The following MARCHF1 variants were observed in gnomAD, a reference collection of about 807,000 sequenced individuals.
MARCHF1 encodes the protein membrane associated ring-CH-type finger 1, also known as E3 ubiquitin-protein ligase MARCHF1.
A neutral mutation model predicts 54.2 loss-of-function variants in MARCHF1; 40 were observed. The observed-to-expected ratio is 0.74, with a 90% CI of 0.57 to 0.96. The LOEUF (loss-of-function observed/expected upper bound fraction) is 0.96, where lower values mean the gene tolerates loss of function less well. Ranked by LOEUF, MARCHF1 falls within the 40% of genes least tolerant of loss-of-function variation. The pLI is 0.00. For missense variants in MARCHF1, 586 were observed against 656.5 expected, an observed-to-expected ratio of 0.89 and a Z score of 1.17; for synonymous variants, 236 against 236.3, an observed-to-expected ratio of 1.00 and a Z score of 0.01.
At chr4:163,697,200 C>T (rs1744662968) in intron 5 of MARCHF1, among the ~76,000 whole-genome samples, 1 of 152,204 alleles carries the variant, frequency 6.6e-6, no homozygotes, top group South Asian at 2.1e-4. Context: ...TTACTGGGGG[C>T]TGAGGGTGTA....
chr4:163,971,457 T>C (rs571911674), intron 3 of MARCHF1, among the ~76,000 whole-genome samples: 1 of 152,342 alleles, frequency 6.6e-6, no homozygotes, highest in Admixed American at 6.5e-5. Flanking sequence ...TGTAGTGTTT[T>C]AGAGTGGACT....
intron 1 of MARCHF1, among the ~76,000 whole-genome samples, chr4:164,245,518 C>G (rs1438177765): frequency 2.0e-5 from 3 of 151,832 alleles, no homozygotes; most frequent in Non-Finnish European, 4.4e-5. Flanking sequence ...AAACTGGAAG[C>G]ATTCCCTTTG....
At chr4:164,267,482 G>T (rs527980937) in intron 1 of MARCHF1, among the ~76,000 whole-genome samples, 1 of 152,264 alleles carries the variant, frequency 6.6e-6, no homozygotes, top group East Asian at 1.9e-4. Context: ...CCTGTTACAA[G>T]AAATTGATGA....
chr4:163,762,696 T>A (rs1458073497), intron 4 of MARCHF1, among the ~76,000 whole-genome samples: 1 of 152,108 alleles, frequency 6.6e-6, no homozygotes, highest in Non-Finnish European at 1.5e-5. Flanking sequence ...TAATCAAAAA[T>A]TTACATAATG....
intron 1 of MARCHF1, among the ~76,000 whole-genome samples, chr4:164,247,589 C>T (rs59462048): frequency 0.042 from 5,681 of 135,280 alleles, 266 homozygotes; most frequent in African/African-American, 0.12. Flanking sequence ...CACATGTACC[C>T]TAAAACTTAA....
intron 3 of MARCHF1, among the ~76,000 whole-genome samples, chr4:163,951,926 C>T (rs964798034): frequency 6.6e-6 from 1 of 152,150 alleles, no homozygotes; most frequent in African/African-American, 2.4e-5. Context: ...TTATAGAGGT[C>T]AACATTTTTA....
At chr4:164,170,341 G>C (rs55773908) in intron 1 of MARCHF1, among the ~76,000 whole-genome samples, 28,745 of 151,856 alleles carry the variant, frequency 0.19, 4,365 homozygotes, top group African/African-American at 0.41. Context: ...AATATCTTTA[G>C]AGTTTGTGAT....
intron 1 of MARCHF1, among the ~76,000 whole-genome samples, chr4:164,306,634 T>C (rs994999369): frequency 6.6e-6 from 1 of 152,146 alleles, no homozygotes; most frequent in African/African-American, 2.4e-5. Flanking sequence ...ATGCGAGATA[T>C]TCCTTCTAAA....
chr4:164,092,599 C>A (rs1245931973), intron 2 of MARCHF1, among the ~76,000 whole-genome samples: 1 of 152,128 alleles, frequency 6.6e-6, no homozygotes, highest in Non-Finnish European at 1.5e-5. Context: ...GGACCAATAA[C>A]CAACTTACAG....
chr4:164,245,456 A>G (rs1579655752), intron 1 of MARCHF1, among the ~76,000 whole-genome samples: 1 of 152,150 alleles, frequency 6.6e-6, no homozygotes, highest in East Asian at 1.9e-4. Context: ...ATCTCAAAAT[A>G]ATAAGAGCTA....
rs1177115654 is a variant in MARCHF1, at chr4:163,883,258, TG to T, written c.-38-29090del. 4.7e-3 allele frequency among the ~76,000 whole-genome samples: 681 copies of T among 145,538 alleles called. 8 individuals are homozygous for T. Among genetic ancestry groups the T allele is most frequent in the African/African-American group, 0.016 (642 of 39,410 alleles). ...GTATATGTGTGTGTATATATATATA[TG>T]AGAGAGAGAGAGAGAGAGAGAGAGA... On this transcript the variant is annotated intron_variant, in intron 3 of 9. Transcript: ENST00000514618.
At chr4:163,865,708 T>C (rs1340956807) in intron 3 of MARCHF1, among the ~76,000 whole-genome samples, 6 of 151,884 alleles carry the variant, frequency 4.0e-5, no homozygotes, top group African/African-American at 1.4e-4. Context: ...TTATTTCACT[T>C]AAAAGCACAA....
intron 5 of MARCHF1, among the ~76,000 whole-genome samples, chr4:163,643,773 G>T (rs1222736353): frequency 6.6e-6 from 1 of 152,060 alleles, no homozygotes; most frequent in Non-Finnish European, 1.5e-5. Flanking sequence ...TCCTTTATTT[G>T]AGGAGGAAAG....
chr4:164,356,763 T>TAAA (rs1227464195), intron 1 of MARCHF1, among the ~76,000 whole-genome samples: 2 of 30,766 alleles, frequency 6.5e-5, no homozygotes, highest in Admixed American at 8.7e-4. Flanking sequence ...TAAAGTATAA[T>TAAA]AAAAAAAAAA....
At chr4:164,032,857 A>G (rs1297481418) in intron 2 of MARCHF1, among the ~76,000 whole-genome samples, 1 of 152,186 alleles carries the variant, frequency 6.6e-6, no homozygotes, top group Non-Finnish European at 1.5e-5. Context: ...GACAATCCTA[A>G]GCAGAAAGAA....
chr4:164,354,446 A>C (rs981018083), intron 1 of MARCHF1, among the ~76,000 whole-genome samples: 1 of 133,406 alleles, frequency 7.5e-6, no homozygotes, highest in African/African-American at 2.8e-5. Context: ...CTGGGATGCA[A>C]GGCTGGTTCA....
chr4:163,727,511 C>T (rs531387748), intron 4 of MARCHF1, among the ~76,000 whole-genome samples: 72 of 152,012 alleles, frequency 4.7e-4, no homozygotes, highest in African/African-American at 1.6e-3. Flanking sequence ...TTCACTGTGT[C>T]AGCCAGGATG....
At chr4:164,276,947 T>TATATATATATATATAGAGAGAG (rs1392528920) in intron 1 of MARCHF1, among the ~76,000 whole-genome samples, 3 of 118,822 alleles carry the variant, frequency 2.5e-5, no homozygotes, top group South Asian at 3.4e-4. Context: ...TATATATATA[T>TATATATATATATATAGAGAGAG]AGAGAGAGAG....
intron 1 of MARCHF1, among the ~76,000 whole-genome samples, chr4:164,239,786 T>C (rs1316865724): frequency 6.6e-6 from 1 of 152,054 alleles, no homozygotes; most frequent in East Asian, 1.9e-4. Context: ...AGTGTATGTA[T>C]ATGTCATATT....
Sources: allele counts gnomAD v4.1 joint callset (sites outside exome capture counted in the v4.1 genomes callset), GRCh38; gene constraint gnomAD v4.1.1; transcripts MANE v1.5; gene names NCBI Gene and HGNC (gene_info 2026-07-23, HGNC 2026-07-21).